Variants in CYTIP observed in about 807,000 individuals in gnomAD.
CYTIP encodes the protein cytohesin-interacting protein.
In CYTIP, 26 loss-of-function variants were observed where a neutral mutation model predicts 43.8. That is an observed-to-expected ratio of 0.59 (90% CI 0.44 to 0.82). CYTIP has a LOEUF of 0.82. Among genes scored for constraint, CYTIP ranks in the 40% least tolerant of loss-of-function variants. The probability of loss-of-function intolerance (pLI) is 0.00; values close to 1 mark genes in which losing one functional copy is unlikely to be tolerated. For missense variants in CYTIP, 426 were observed against 443.1 expected, an observed-to-expected ratio of 0.96 and a Z score of 0.35; for synonymous variants, 162 against 162.9, an observed-to-expected ratio of 0.99 and a Z score of 0.04.
At chr2:157,425,390 T>A (rs1685587848) in intron 6 of CYTIP, among the ~76,000 whole-genome samples, 2 of 152,170 alleles carry the variant, frequency 1.3e-5, no homozygotes, top group African/African-American at 4.8e-5. Flanking sequence ...AGTTGGTGTA[T>A]TTCTTCACTA....
Position 157,419,185 on chromosome 2 carries a change from C to T in CYTIP, c.547-596G>A, listed in dbSNP as rs563897216. On this transcript the variant is annotated intron_variant, in intron 6 of 7. Transcript: ENST00000264192. Reference sequence around the variant, plus strand: ...GGCCAAATTTCTGTCTTTTTAGTAGCGACGGGGTTTCACCACGCTGGCCAG... The same window carrying T: ...GGCCAAATTTCTGTCTTTTTAGTAGTGACGGGGTTTCACCACGCTGGCCAG... Among the ~76,000 whole-genome samples, 16 of 152,198 alleles carry T rather than the reference C, an allele frequency of 1.1e-4. 1 individual carries two copies. Among genetic ancestry groups the T allele is most frequent in the African/African-American group, 3.6e-4 (15 of 41,528 alleles).
intron 6 of CYTIP, among the ~76,000 whole-genome samples, chr2:157,422,292 C>A (rs1041362587): frequency 6.6e-6 from 1 of 152,080 alleles, no homozygotes; most frequent in Non-Finnish European, 1.5e-5. Flanking sequence ...ATCTAAACCT[C>A]CAAACACAGA....
At chr2:157,420,456 T>C (rs1685504473) in intron 6 of CYTIP, among the ~76,000 whole-genome samples, 1 of 151,914 alleles carries the variant, frequency 6.6e-6, no homozygotes, top group Admixed American at 6.6e-5. Context: ...GCAGAGGTTG[T>C]GGTGAGCTGA....
Position 157,415,639 on chromosome 2 carries a change from T to A in CYTIP, c.*38A>T. The A allele has an allele frequency of 7.0e-7, 1 of 1,427,668 alleles. No individual in the cohort carries two copies. The highest frequency in any genetic ancestry group is 9.7e-7 in the Non-Finnish European group (1 of 1,032,576). The allele number at this position is 1,427,668 out of a possible 1,614,324, so 88.4% of individuals were successfully genotyped here. A position where few individuals can be genotyped will look rare whatever the true frequency, so the allele number is the denominator to read the frequency against. On this transcript the variant is annotated 3_prime_UTR_variant, in exon 8 of 8. Coordinates refer to ENST00000264192, the MANE Select transcript of CYTIP (RefSeq NM_004288.5). ...GGGATCTGGGTGAGTCTAGAGATAT[T>A]TGTGAAATAAGCTAATTTGAAAGGA...
intron 5 of CYTIP, among the ~76,000 whole-genome samples, chr2:157,427,800 G>T (rs970335984): frequency 2.0e-5 from 3 of 152,164 alleles, no homozygotes; most frequent in African/African-American, 7.2e-5. Flanking sequence ...CATCTACTAT[G>T]TACCAGATTC....
At chr2:157,433,010 T>A (rs187079663) in intron 3 of CYTIP, among the ~76,000 whole-genome samples, 2 of 152,292 alleles carry the variant, frequency 1.3e-5, no homozygotes, top group Admixed American at 1.3e-4. Context: ...TAGTTTTGAC[T>A]CTTGCTCCAC....
At position 157,415,563 on chromosome 2, in the gene CYTIP, T is replaced by C. The variant is rs1243321444; in HGVS notation, c.*114A>G. 2.9e-6 allele frequency: 2 copies of C among 681,998 alleles called. No individual in the cohort carries two copies. Among genetic ancestry groups the C allele is most frequent in the South Asian group, 1.9e-5 (1 of 52,880 alleles). 42.2% of individuals were successfully genotyped at this position (681,998 alleles called of 1,614,324 possible). A position where few individuals can be genotyped will look rare whatever the true frequency, so the allele number is the denominator to read the frequency against. On this transcript the variant is annotated 3_prime_UTR_variant, in exon 8 of 8. Transcript: ENST00000264192. Reference sequence around the variant, plus strand: ...CAATTTAAATAAAGGTCACTATTGCTGTGAAATGGGATGTCAGTTTTGCAA... The same window carrying C: ...CAATTTAAATAAAGGTCACTATTGCCGTGAAATGGGATGTCAGTTTTGCAA...
chr2:157,438,569 G>C (rs1401194119), intron 1 of CYTIP, among the ~76,000 whole-genome samples: 3 of 152,160 alleles, frequency 2.0e-5, no homozygotes, highest in African/African-American at 7.2e-5. Flanking sequence ...TTGTGTGAGG[G>C]AGGTGATGGA....
At chr2:157,433,843 G>GA (rs796739483) in intron 3 of CYTIP, among the ~76,000 whole-genome samples, 2 of 152,004 alleles carry the variant, frequency 1.3e-5, no homozygotes, top group African/African-American at 4.8e-5. Flanking sequence ...TTGTCATTAG[G>GA]AAAAAAAGCT....
chr2:157,440,566 C>T (rs1171994110), intron 1 of CYTIP, among the ~76,000 whole-genome samples: 4 of 152,088 alleles, frequency 2.6e-5, no homozygotes, highest in South Asian at 2.1e-4. Context: ...GGTGTGCTGC[C>T]GGACACACCG....
At chr2:157,420,934 G>A (rs957674527) in intron 6 of CYTIP, among the ~76,000 whole-genome samples, 10 of 152,166 alleles carry the variant, frequency 6.6e-5, no homozygotes, top group South Asian at 2.1e-4. Context: ...CTAAAAATAC[G>A]AAGTCAGCAC....
intron 6 of CYTIP, among the ~76,000 whole-genome samples, chr2:157,419,955 T>TA (rs921444430): frequency 1.3e-5 from 2 of 152,230 alleles, no homozygotes; most frequent in African/African-American, 2.4e-5. Context: ...GTTGCCAATA[T>TA]AAAATCGAGC....
chr2:157,418,438 T>C (rs911833023), intron 7 of CYTIP, 85 bp downstream of exon 7: 28 of 1,363,390 alleles, frequency 2.1e-5, no homozygotes, highest in Non-Finnish European at 2.8e-5. Context: ...TTTCTTATAA[T>C]GATGATAATC....
chr2:157,422,846 T>A (rs1222372982), intron 6 of CYTIP, among the ~76,000 whole-genome samples: 2 of 151,868 alleles, frequency 1.3e-5, no homozygotes, highest in African/African-American at 4.8e-5. Flanking sequence ...AGAAAGTAAT[T>A]TTTATAACTC....
chr2:157,430,776 A>C, intron 4 of CYTIP, 84 bp downstream of exon 4: 1 of 1,472,680 alleles, frequency 6.8e-7, no homozygotes, highest in Admixed American at 1.9e-5. Flanking sequence ...TCAAAGCAAC[A>C]AATACATCCT....
At chr2:157,433,961 T>C (rs1685753302) in intron 3 of CYTIP, among the ~76,000 whole-genome samples, 1 of 152,196 alleles carries the variant, frequency 6.6e-6, no homozygotes, top group Non-Finnish European at 1.5e-5. Flanking sequence ...TTCGAGTGTC[T>C]CTTGAATGCC....
chr2:157,441,946 C>A (rs1181319210), intron 1 of CYTIP, among the ~76,000 whole-genome samples: 1 of 152,196 alleles, frequency 6.6e-6, no homozygotes, highest in Non-Finnish European at 1.5e-5. Context: ...CTCGTGCCGG[C>A]TTTTTCAGGG....
At chr2:157,430,679 T>C in intron 4 of CYTIP, 27 bp from the exon 5 acceptor site, 1 of 1,596,826 alleles carries the variant, frequency 6.3e-7, no homozygotes, top group South Asian at 1.1e-5. Context: ...AAAATGAGTG[T>C]TATGTTGGTT....
At chr2:157,427,094 T>C (rs1179498003) in intron 6 of CYTIP, among the ~76,000 whole-genome samples, 2 of 152,150 alleles carry the variant, frequency 1.3e-5, no homozygotes, top group Non-Finnish European at 2.9e-5. Context: ...GAAGAGTTCT[T>C]CAAGTGGCAT....
Sources: allele counts gnomAD v4.1 joint callset (sites outside exome capture counted in the v4.1 genomes callset), GRCh38; gene constraint gnomAD v4.1.1; transcripts MANE v1.5; gene names NCBI Gene and HGNC (gene_info 2026-07-23, HGNC 2026-07-21).